DAP: variants seen among roughly 807,000 people sequenced by gnomAD.
DAP encodes death associated protein, also known as death-associated protein 1.
DAP carries 8 observed loss-of-function variants against 13.8 expected under a neutral mutation model. The ratio of observed to expected loss-of-function variants is 0.58; its 90% CI spans 0.34 to 1.05. The LOEUF (loss-of-function observed/expected upper bound fraction) is 1.05. DAP is among the 50% of genes least tolerant of loss of function. DAP has a pLI of 0.03. For synonymous variants in DAP, 47 were observed against 47.5 expected, an observed-to-expected ratio of 0.99 and a Z score of 0.04; for missense variants, 106 against 133.2, an observed-to-expected ratio of 0.80 and a Z score of 1.01.
intron 2 of DAP, among the ~76,000 whole-genome samples, chr5:10,730,966 A>C (rs1461375527): frequency 4.5e-4 from 19 of 42,160 alleles, no homozygotes; most frequent in Admixed American, 1.1e-3. Context: ...ACTGAGAGCC[A>C]TGGTGGGGGG....
At chr5:10,727,875 C>T (rs986007771) in intron 2 of DAP, among the ~76,000 whole-genome samples, 1 of 152,196 alleles carries the variant, frequency 6.6e-6, no homozygotes, top group Non-Finnish European at 1.5e-5. Context: ...CTCCCATATA[C>T]TTTAAATCAT....
intron 2 of DAP, among the ~76,000 whole-genome samples, chr5:10,747,706 G>A (rs960626274): frequency 6.6e-6 from 1 of 152,232 alleles, no homozygotes; most frequent in African/African-American, 2.4e-5. Context: ...ACTCACAGGT[G>A]CAAGAATTTG....
intron 2 of DAP, among the ~76,000 whole-genome samples, chr5:10,683,816 G>C (rs573136294): frequency 5.3e-5 from 8 of 152,210 alleles, no homozygotes; most frequent in African/African-American, 1.9e-4. Flanking sequence ...CGAGTGAATT[G>C]CCTTCAACCA....
intron 1 of DAP, among the ~76,000 whole-genome samples, chr5:10,756,409 G>A (rs1205493945): frequency 6.6e-6 from 1 of 152,116 alleles, no homozygotes; most frequent in Non-Finnish European, 1.5e-5. Context: ...TTTCTGCAGG[G>A]AGATAATTCA....
chr5:10,745,904 A>T (rs1011925233), intron 2 of DAP, among the ~76,000 whole-genome samples: 1 of 152,252 alleles, frequency 6.6e-6, no homozygotes, highest in Non-Finnish European at 1.5e-5. Context: ...CTACAGGCTT[A>T]CACACTCTTA....
chr5:10,691,621 G>A (rs1193458210), intron 2 of DAP, among the ~76,000 whole-genome samples: 3 of 152,228 alleles, frequency 2.0e-5, no homozygotes, highest in Non-Finnish European at 4.4e-5. Context: ...TCTGACAGAT[G>A]CTGTTTTGAA....
intron 2 of DAP, among the ~76,000 whole-genome samples, chr5:10,718,248 G>T (rs1227821332): frequency 6.6e-6 from 1 of 152,198 alleles, no homozygotes; most frequent in South Asian, 2.1e-4. Context: ...GCTTATGAAG[G>T]TCATGTCATT....
At chr5:10,746,234 C>A (rs753596648) in intron 2 of DAP, among the ~76,000 whole-genome samples, 11 of 152,066 alleles carry the variant, frequency 7.2e-5, no homozygotes, top group Non-Finnish European at 8.8e-5. Context: ...TACAGATATA[C>A]AATTGTGAAC....
intron 2 of DAP, among the ~76,000 whole-genome samples, chr5:10,718,552 G>T (rs1255558486): frequency 6.6e-6 from 1 of 152,338 alleles, no homozygotes; most frequent in South Asian, 2.1e-4. Flanking sequence ...AGACGCAGGG[G>T]TGGTGACTCC....
At chr5:10,723,244 TA>T (rs1739204950) in intron 2 of DAP, among the ~76,000 whole-genome samples, 1 of 152,226 alleles carries the variant, frequency 6.6e-6, no homozygotes, top group Non-Finnish European at 1.5e-5. Context: ...ACTGTATTAA[TA>T]GCACATCAGG....
intron 2 of DAP, among the ~76,000 whole-genome samples, chr5:10,695,687 G>A (rs766712290): frequency 6.6e-6 from 1 of 152,112 alleles, no homozygotes; most frequent in Admixed American, 6.5e-5. Context: ...CTGCTTCCAG[G>A]ACACTGTGAT....
chr5:10,682,928 C>T (rs541108083), intron 3 of DAP, among the ~76,000 whole-genome samples: 6 of 152,308 alleles, frequency 3.9e-5, no homozygotes, highest in East Asian at 1.9e-4. Flanking sequence ...AGGCCTGGGA[C>T]GCTGGCTGGG....
At position 10,680,856 on chromosome 5, in the gene DAP, C is replaced by A; in HGVS notation, c.*200G>T. 6.5e-7 allele frequency: 1 copy of A among 1,536,930 alleles called. No individual in the cohort carries two copies. The highest frequency in any genetic ancestry group is 8.7e-7 in the Non-Finnish European group (1 of 1,147,042). On this transcript the variant is annotated 3_prime_UTR_variant, in exon 4 of 4. Transcript: ENST00000230895. ...CAATGATCCTCAAATGACATCCAAC[C>A]AGACTCCCCATAAACAAGGTTTGGG...
chr5:10,696,533 C>G (rs1436903403), intron 2 of DAP, among the ~76,000 whole-genome samples: 1 of 152,162 alleles, frequency 6.6e-6, no homozygotes, highest in Non-Finnish European at 1.5e-5. Context: ...CAGTGTCCAT[C>G]TGTAAGATGG....
intron 2 of DAP, among the ~76,000 whole-genome samples, chr5:10,695,063 CTA>C (rs1473668819): frequency 6.6e-5 from 10 of 152,210 alleles, no homozygotes; most frequent in Admixed American, 5.2e-4. Context: ...TTTATTTGGG[CTA>C]TTAATTTTCT....
Position 10,681,149 on chromosome 5 carries a change from C to CG in DAP, c.215dup (p.Ala73GlyfsTer68), listed in dbSNP as rs777516488. Reference sequence around the variant, plus strand: ...TCTGGTGAGCCACCTGCGCAGCCGCCGGGGGGAAATCTTTGTCACCCTGTC... The same window carrying CG: ...TCTGGTGAGCCACCTGCGCAGCCGCCGGGGGGGAAATCTTTGTCACCCTGTC... On this transcript the variant is annotated frameshift_variant, in exon 4 of 4. Transcript: ENST00000230895. LOFTEE classifies it high-confidence loss of function. 4.0e-6 allele frequency: 6 copies of CG among 1,518,144 alleles called. No individual in the cohort carries two copies. Among genetic ancestry groups the CG allele is most frequent in the Non-Finnish European group, 5.3e-6 (6 of 1,135,410 alleles). The allele number at this position is 1,518,144 out of a possible 1,614,324, so 94.0% of individuals were successfully genotyped here. A position where few individuals can be genotyped will look rare whatever the true frequency, so the allele number is the denominator to read the frequency against.
At chr5:10,744,355 G>A (rs1170718952) in intron 2 of DAP, among the ~76,000 whole-genome samples, 2 of 152,174 alleles carry the variant, frequency 1.3e-5, no homozygotes, top group East Asian at 1.9e-4. Context: ...ATTTCCAAGA[G>A]GATAATTAAG....
intron 2 of DAP, among the ~76,000 whole-genome samples, chr5:10,730,165 G>A (rs1739402912): frequency 6.6e-6 from 1 of 152,200 alleles, no homozygotes; most frequent in Non-Finnish European, 1.5e-5. Flanking sequence ...TGTTCCCAGT[G>A]GCATGGCTGC....
At chr5:10,720,002 T>C (rs748352327) in intron 2 of DAP, among the ~76,000 whole-genome samples, 10 of 152,202 alleles carry the variant, frequency 6.6e-5, no homozygotes, top group Non-Finnish European at 1.2e-4. Context: ...GTGCACCTGG[T>C]TGTGTACTTT....
Sources: gnomAD v4.1 joint callset for allele counts (sites outside exome capture counted in the v4.1 genomes callset) on GRCh38, gnomAD v4.1.1 for gene constraint, MANE v1.5 for transcripts, NCBI Gene and HGNC (gene_info 2026-07-23, HGNC 2026-07-21) for gene names.